ROBO2: variants seen among roughly 807,000 people sequenced by gnomAD.
The protein encoded by ROBO2 is roundabout guidance receptor 2, also known as roundabout homolog 2.
A neutral mutation model predicts 160.8 loss-of-function variants in ROBO2; 53 were observed. The observed-to-expected ratio is 0.33, with a 90% CI of 0.26 to 0.41. ROBO2 has a LOEUF of 0.41. ROBO2 is among the 10% of genes least tolerant of loss of function. The probability of loss-of-function intolerance (pLI) is 1.00; values close to 1 mark genes in which losing one functional copy is unlikely to be tolerated. For synonymous variants in ROBO2, 664 were observed against 611.7 expected (o/e 1.09, Z -1.26); for missense variants, 1,577 against 1,722.4 (o/e 0.92, Z 1.49).
chr3:76,987,126 G>GAA (rs1260363016), intron 2 of ROBO2, among the ~76,000 whole-genome samples: 7 of 152,210 alleles, frequency 4.6e-5, no homozygotes, highest in African/African-American at 1.7e-4. Context: ...ACCACTACTT[G>GAA]AAATTCCGTT....
intron 2 of ROBO2, among the ~76,000 whole-genome samples, chr3:76,849,647 G>A (rs963938638): frequency 6.6e-6 from 1 of 152,092 alleles, no homozygotes; most frequent in African/African-American, 2.4e-5. Flanking sequence ...TTTCTGTTTT[G>A]ACATGGCATA....
At chr3:76,835,191 C>G (rs1213885040) in intron 2 of ROBO2, among the ~76,000 whole-genome samples, 3 of 151,440 alleles carry the variant, frequency 2.0e-5, no homozygotes, top group Non-Finnish European at 2.9e-5. Context: ...TGACTTAGAA[C>G]AATAAAAATT....
chr3:77,513,733 A>G lies in ROBO2; in HGVS notation c.807-9042A>G, dbSNP rs184901072. Among the ~76,000 whole-genome samples the G allele has an allele frequency of 2.9e-3, 439 of 151,700 alleles. 5 individuals carry two copies. The highest frequency in any genetic ancestry group is 9.9e-3 in the African/African-American group (409 of 41,442). The stretch of plus-strand genomic sequence containing the variant: ...TCTTTTTTTCTTCCTTGAGAAAAAA[A>G]CCCTGCAAAAACACAGAGCTTCTTT... On this transcript the variant is annotated intron_variant, in intron 5 of 25. Transcript: ENST00000461745.
intron 2 of ROBO2, among the ~76,000 whole-genome samples, chr3:76,989,401 C>T (rs1297657842): frequency 2.8e-4 from 43 of 151,974 alleles, no homozygotes; most frequent in Non-Finnish European, 4.4e-5. Context: ...GTCTAATGAG[C>T]ATAAACTATA....
At chr3:76,076,196 T>C (rs1194604994) in intron 2 of ROBO2, among the ~76,000 whole-genome samples, 3 of 152,208 alleles carry the variant, frequency 2.0e-5, no homozygotes, top group Non-Finnish European at 2.9e-5. Context: ...TTGAGATCAA[T>C]TGCATCCATT....
At chr3:76,036,961 A>G (rs564279066) in intron 2 of ROBO2, among the ~76,000 whole-genome samples, 2 of 152,080 alleles carry the variant, frequency 1.3e-5, no homozygotes, top group South Asian at 4.1e-4. Flanking sequence ...CTTGTTTTTC[A>G]GTGTGTTCAT....
intron 2 of ROBO2, among the ~76,000 whole-genome samples, chr3:77,334,378 G>A (rs1034535255): frequency 7.9e-5 from 12 of 152,090 alleles, no homozygotes; most frequent in East Asian, 1.9e-4. Context: ...GCTTGGCTTC[G>A]GGCACTAATT....
At chr3:77,248,534 C>A (rs1020436973) in intron 2 of ROBO2, among the ~76,000 whole-genome samples, 8 of 152,172 alleles carry the variant, frequency 5.3e-5, no homozygotes, top group African/African-American at 1.9e-4. Context: ...CGCGAGCACC[C>A]CCCTGGAGGC....
intron 2 of ROBO2, among the ~76,000 whole-genome samples, chr3:76,013,593 G>A (rs1000797648): frequency 4.6e-5 from 7 of 151,598 alleles, no homozygotes; most frequent in Middle Eastern, 3.5e-3. Context: ...TGGTTTGTGC[G>A]TGTAATCCCA....
chr3:77,635,977 A>T, intron 24 of ROBO2, among the ~76,000 whole-genome samples: 1 of 152,152 alleles, frequency 6.6e-6, no homozygotes, highest in African/African-American at 2.4e-5. Flanking sequence ...TGGTTCATAG[A>T]GGGTGCCTTT....
intron 2 of ROBO2, among the ~76,000 whole-genome samples, chr3:77,357,157 G>A (rs2069246168): frequency 6.6e-6 from 1 of 152,174 alleles, no homozygotes; most frequent in African/African-American, 2.4e-5. Flanking sequence ...GTTAGGTGAT[G>A]CTATGGCTTG....
rs115467975 is a variant in ROBO2, at chr3:76,682,355, A to C, written c.110-415659A>C. ...TTGGTGTGGAAGATAATTCGTGGAA[A>C]GTCTATACTTTCCACTAATTTTGCT... On this transcript the variant is annotated intron_variant, in intron 2 of 26. Transcript: ENST00000487694. Among the ~76,000 whole-genome samples the C allele has an allele frequency of 2.4e-3, 364 of 152,248 alleles. 2 individuals are homozygous for C. Among genetic ancestry groups the C allele is most frequent in the African/African-American group, 8.3e-3 (343 of 41,552 alleles).
At chr3:76,856,652 G>C (rs576196739) in intron 2 of ROBO2, among the ~76,000 whole-genome samples, 1 of 152,216 alleles carries the variant, frequency 6.6e-6, no homozygotes, top group South Asian at 2.1e-4. Flanking sequence ...CATGTACCTG[G>C]GTTGGGGCCC....
At chr3:76,961,247 GAAAAAAAAAA>G (rs371889909) in intron 2 of ROBO2, among the ~76,000 whole-genome samples, 8 of 54,448 alleles carry the variant, frequency 1.5e-4, no homozygotes, top group African/African-American at 4.3e-4. Flanking sequence ...GTGCCACAGA[GAAAAAAAAAA>G]AAAAAAAAAA....
intron 2 of ROBO2, among the ~76,000 whole-genome samples, chr3:76,605,714 C>T (rs1251000228): frequency 6.6e-6 from 1 of 152,052 alleles, no homozygotes; most frequent in Non-Finnish European, 1.5e-5. Context: ...GGATATTTAA[C>T]ATGGGGAATT....
intron 2 of ROBO2, among the ~76,000 whole-genome samples, chr3:76,583,109 G>A (rs1385492089): frequency 6.6e-6 from 1 of 151,908 alleles, no homozygotes; most frequent in Non-Finnish European, 1.5e-5. Context: ...ACCAAGTTTT[G>A]GTCCCTGGAG....
At chr3:77,631,652 GA>G (rs1198276790) in intron 23 of ROBO2, 2 of 151,932 alleles carry the variant, frequency 1.3e-5, no homozygotes, top group Non-Finnish European at 2.9e-5. Flanking sequence ...AGAAAATTAA[GA>G]AAAAATGTTT....
chr3:77,254,774 T>A (rs769372965), intron 2 of ROBO2, among the ~76,000 whole-genome samples: 1 of 152,232 alleles, frequency 6.6e-6, no homozygotes, highest in Non-Finnish European at 1.5e-5. Context: ...ATTATTTCCA[T>A]ATTGAACCAG....
intron 2 of ROBO2, among the ~76,000 whole-genome samples, chr3:76,123,768 CT>C (rs2070850073): frequency 6.6e-6 from 1 of 152,128 alleles, no homozygotes; most frequent in Non-Finnish European, 1.5e-5. Flanking sequence ...TTCACACTCT[CT>C]GGTGTATTAG....
Sources: allele counts gnomAD v4.1 joint callset (sites outside exome capture counted in the v4.1 genomes callset), GRCh38; gene constraint gnomAD v4.1.1; transcripts MANE v1.5; gene names NCBI Gene and HGNC (gene_info 2026-07-23, HGNC 2026-07-21).